The following KIF4B variants were observed in gnomAD, a reference collection of about 807,000 sequenced individuals.
KIF4B encodes kinesin family member 4B, also known as chromosome-associated kinesin KIF4B.
KIF4B carries 60 observed loss-of-function variants against 69.0 expected under a neutral mutation model. That is an observed-to-expected ratio of 0.87 (90% CI 0.71 to 1.08). The LOEUF is 1.08. Among genes scored for constraint, KIF4B ranks in the 50% least tolerant of loss-of-function variants. The probability of loss-of-function intolerance (pLI) is 0.00; values close to 1 mark genes in which losing one functional copy is unlikely to be tolerated. For synonymous variants in KIF4B, 489 were observed against 533.0 expected (o/e 0.92, Z 1.14); for missense variants, 1,357 against 1,451.9 (o/e 0.93, Z 1.06).
In KIF4B at chr5:155,016,382, G is replaced by A; in HGVS notation, c.2523G>A (p.Leu841=). The A allele has an allele frequency of 6.2e-7, 1 of 1,614,230 alleles. No individual in the cohort carries two copies. Among genetic ancestry groups the A allele is most frequent in the Non-Finnish European group, 8.5e-7 (1 of 1,180,050 alleles). The part of the protein sequence containing the change: ...SAQIADLQQK[L]LDAESEDRPK... ...AGATTGCTGACCTACAGCAGAAGCT[G>A]CTGGATGCAGAAAGTGAAGATAGGC... Residue 841 remains leucine (L), a synonymous_variant, in exon 1 of 1, where the codon CTG becomes CTA. Transcript: ENST00000435029.
chr5:155,017,754 C>T lies in KIF4B; in HGVS notation c.*190C>T. ...CTCAGTCTCCATCCCCAGACTACTG[C>T]TCTCTGCTCTCTAGAAGGCTGCTAA... On this transcript the variant is annotated 3_prime_UTR_variant, in exon 1 of 1. Transcript: ENST00000435029. The T allele has an allele frequency of 9.6e-7, 1 of 1,044,854 alleles. No individual in the cohort carries two copies. The allele number at this position is 1,044,854 out of a possible 1,614,324, so 64.7% of individuals were successfully genotyped here. A position where few individuals can be genotyped will look rare whatever the true frequency, so the allele number is the denominator to read the frequency against.
Position 155,016,314 on chromosome 5 carries a change from C to G in KIF4B, c.2455C>G (p.Gln819Glu). ...GGAGTCAGAAGATTGTATTACAAAA[C>G]AGATTGAAAGCCTAGAGACTGAAAT... Reference protein sequence around the residue: ...VLESEDCITKQIESLETEMEL... With the variant: ...VLESEDCITKEIESLETEMEL... The change falls in exon 1 of 1, where the codon CAG becomes GAG. Residue 819 changes from glutamine to glutamate, a missense_variant. Gln to Glu is a conservative substitution (Grantham distance 29). Coordinates refer to ENST00000435029, the MANE Select transcript of KIF4B (RefSeq NM_001099293.3). 1 of 1,614,184 alleles carries G rather than the reference C, an allele frequency of 6.2e-7. No homozygotes were observed. Among genetic ancestry groups the G allele is most frequent in the Non-Finnish European group, 8.5e-7 (1 of 1,180,030 alleles).
Position 155,014,486 on chromosome 5 carries a change from G to A in KIF4B, c.627G>A (p.Ser209=), listed in dbSNP as rs751691699. 24 of 1,614,062 alleles carry A rather than the reference G, an allele frequency of 1.5e-5. No individual in the cohort carries two copies. The highest frequency in any genetic ancestry group is 2.0e-5 in the Non-Finnish European group (24 of 1,179,974). Residue 209 remains serine (S), a synonymous_variant, in exon 1 of 1, where the codon TCG becomes TCA. Coordinates refer to ENST00000435029, the MANE Select transcript of KIF4B (RefSeq NM_001099293.3). ...CCTCCACAGCTATGAACTCCCAGTC[G>A]TCCCGATCTCATGCCATCTTTACAA... ...TVASTAMNSQ[S]SRSHAIFTIS...
Position 155,015,189 on chromosome 5 carries a change from A to C in KIF4B, c.1330A>C (p.Lys444Gln), listed in dbSNP as rs748441071. ...LEELRQHVAC[K>Q]LDLQKLVETL... ...AGAGCTCAGGCAGCATGTGGCCTGC[A>C]AGCTGGATCTTCAAAAGCTAGTGGA... is the stretch of plus-strand genomic sequence containing the variant. Residue 444 changes from lysine (K) to glutamine (Q), a missense_variant, in exon 1 of 1, where the codon AAG becomes CAG. Coordinates refer to ENST00000435029, the MANE Select transcript of KIF4B (RefSeq NM_001099293.3). The C allele has an allele frequency of 1.2e-6, 2 of 1,614,098 alleles. No homozygotes were observed. The highest frequency in any genetic ancestry group is 2.7e-5 in the African/African-American group (2 of 74,938).
rs1324255563 is a variant in KIF4B, at chr5:155,015,620, G to T, written c.1761G>T (p.Lys587Asn). 1 of 1,614,202 alleles carries T rather than the reference G, an allele frequency of 6.2e-7. No homozygotes were observed. Among genetic ancestry groups the T allele is most frequent in the Admixed American group, 1.7e-5 (1 of 60,020 alleles). Residue 587 changes from lysine (K) to asparagine (N), a missense_variant, in exon 1 of 1, where the codon AAG (lysine) becomes AAT (asparagine). Transcript: ENST00000435029. ...TTCGTGAACTTCAGACAGCAAAGAAGAATGTCAACCAAGCCAAGCTGAGTG... is the reference window on the plus strand; with the variant it reads ...TTCGTGAACTTCAGACAGCAAAGAATAATGTCAACCAAGCCAAGCTGAGTG... ...ELVRELQTAKKNVNQAKLSEH... is the reference protein window; with the variant it reads ...ELVRELQTAKNNVNQAKLSEH...
Position 155,017,102 on chromosome 5 carries a change from CA to C in KIF4B, c.3244del (p.Arg1082GlyfsTer69). 6.2e-7 allele frequency: 1 copy of C among 1,613,988 alleles called. No individual in the cohort carries two copies. Among genetic ancestry groups the C allele is most frequent in the Non-Finnish European group, 8.5e-7 (1 of 1,179,972 alleles). ...WKPTKLVKVS[R>X]KNIQGCSCKG... ...AGCCAACAAAATTAGTCAAGGTGTC[CA>C]GGAAGAACATCCAAGGGTGTTCCTG... On this transcript the variant is annotated frameshift_variant, in exon 1 of 1. Transcript: ENST00000435029. LOFTEE classifies it low-confidence loss of function (END_TRUNC).
rs1466971011 is a variant in KIF4B at position 155,015,922 on chromosome 5, A to G, written c.2063A>G (p.Lys688Arg). ...CGTAAGAGGCAATATGAGCTGCTCA[A>G]ACTTGAAAGAAACTTCCAGAAACAA... ...RDRKRQYELL[K>R]LERNFQKQSS... Residue 688 changes from lysine to arginine, a missense_variant, in exon 1 of 1, where the codon AAA (lysine) becomes AGA (arginine). By Grantham distance (26) the Lys-to-Arg change is conservative. Coordinates refer to ENST00000435029, the MANE Select transcript of KIF4B (RefSeq NM_001099293.3). The G allele has an allele frequency of 1.2e-6, 2 of 1,614,120 alleles. No homozygotes were observed. Among genetic ancestry groups the G allele is most frequent in the Admixed American group, 3.3e-5 (2 of 60,008 alleles).
At position 155,016,333 on chromosome 5, in the gene KIF4B, C is replaced by T. The variant is rs367879026; in HGVS notation, c.2474C>T (p.Thr825Ile). 3.1e-6 allele frequency: 5 copies of T among 1,614,168 alleles called. No homozygotes were observed. The highest frequency in any genetic ancestry group is 4.2e-6 in the Non-Finnish European group (5 of 1,180,030). ...CITKQIESLE[T>I]EMELRSAQIA... ...ACAAAACAGATTGAAAGCCTAGAGA[C>T]TGAAATGGAACTCAGGAGTGCTCAG... Residue 825 changes from threonine to isoleucine, a missense_variant, in exon 1 of 1, where the codon ACT becomes ATT. Coordinates refer to ENST00000435029, the MANE Select transcript of KIF4B (RefSeq NM_001099293.3).
At position 155,015,051 on chromosome 5, in the gene KIF4B, G is replaced by A. The variant is rs367767235; in HGVS notation, c.1192G>A (p.Glu398Lys). ...LMEKNQSLVE[E>K]NEKLSRCLSK... is the part of the protein sequence containing the mutation. ...GGAGAAGAATCAGTCCCTGGTAGAGGAGAATGAAAAATTAAGTCGTTGTCT... is the reference window on the plus strand; with the variant it reads ...GGAGAAGAATCAGTCCCTGGTAGAGAAGAATGAAAAATTAAGTCGTTGTCT... The change falls in exon 1 of 1, where the codon GAG becomes AAG. Residue 398 changes from glutamate (E) to lysine (K), a missense_variant. Glu to Lys is a moderately conservative substitution (Grantham distance 56). Transcript: ENST00000435029. The A allele has an allele frequency of 2.5e-5, 40 of 1,614,128 alleles. No homozygotes were observed. The African/African-American group carries it at 5.1e-4, about 20-fold the overall frequency.
rs752085184 is a variant in KIF4B at position 155,016,454 on chromosome 5, T to C, written c.2595T>C (p.Cys865=). 5.6e-6 allele frequency: 9 copies of C among 1,614,214 alleles called. No homozygotes were observed. Among genetic ancestry groups the C allele is most frequent in the South Asian group, 1.1e-5 (1 of 91,086 alleles). Residue 865 remains cysteine, a synonymous_variant, in exon 1 of 1, where the codon TGT becomes TGC. Transcript: ENST00000435029. ...ENIATILEAK[C]ALKYLIGELV... is the part of the protein sequence containing the mutation. ...TTGCCACCATTCTGGAAGCCAAGTG[T>C]GCCCTGAAATATTTGATTGGAGAGC... is the stretch of plus-strand genomic sequence containing the variant.
Position 155,016,392 on chromosome 5 carries a change from G to A in KIF4B, c.2533G>A (p.Glu845Lys). The change falls in exon 1 of 1, where the codon GAA (glutamate) becomes AAA (lysine). Residue 845 changes from glutamate to lysine, a missense_variant. Transcript: ENST00000435029. The part of the protein sequence containing the change: ...ADLQQKLLDA[E>K]SEDRPKQCWE... ...CCTACAGCAGAAGCTGCTGGATGCAGAAAGTGAAGATAGGCCAAAACAATG... is the reference window on the plus strand; with the variant it reads ...CCTACAGCAGAAGCTGCTGGATGCAAAAAGTGAAGATAGGCCAAAACAATG... 1 of 1,614,216 alleles carries A rather than the reference G, an allele frequency of 6.2e-7. No homozygotes were observed. Among genetic ancestry groups the A allele is most frequent in the South Asian group, 1.1e-5 (1 of 91,086 alleles).
Position 155,015,358 on chromosome 5 carries a change from C to G in KIF4B, c.1499C>G (p.Thr500Ser), listed in dbSNP as rs754446019. Residue 500 changes from threonine to serine, a missense_variant, in exon 1 of 1, where the codon ACC becomes AGC. By Grantham distance (58) the Thr-to-Ser change is moderately conservative (BLOSUM62 1). Coordinates refer to ENST00000435029, the MANE Select transcript of KIF4B (RefSeq NM_001099293.3). ...GTAGAAGAAGAAGCTCAAGTGGAAA[C>G]CAGTCCAGAGACAAGCAGGTCTTCT... ...TAVEEEAQVE[T>S]SPETSRSSDA... is the part of the protein sequence containing the mutation. 6.2e-7 allele frequency: 1 copy of G among 1,614,186 alleles called. No individual in the cohort carries two copies. Among genetic ancestry groups the G allele is most frequent in the South Asian group, 1.1e-5 (1 of 91,084 alleles).
chr5:155,015,524 T>C lies in KIF4B; in HGVS notation c.1665T>C (p.Phe555=). 2 of 1,614,192 alleles carry C rather than the reference T, an allele frequency of 1.2e-6. No individual in the cohort carries two copies. The change falls in exon 1 of 1, where the codon TTT becomes TTC. Residue 555 remains phenylalanine, a synonymous_variant. Coordinates refer to ENST00000435029, the MANE Select transcript of KIF4B (RefSeq NM_001099293.3). ...ACAACCAACTACAGCCCATTCAGTT[T>C]CAATACCAGGATAACATAAAAAATC... ...QNDNQLQPIQ[F]QYQDNIKNLE...
At position 155,015,829 on chromosome 5, in the gene KIF4B, A is replaced by G. The variant is rs752831419; in HGVS notation, c.1970A>G (p.Asp657Gly). 1.9e-6 allele frequency: 3 copies of G among 1,614,136 alleles called. No individual in the cohort carries two copies. The African/African-American group carries it at 4.0e-5, about 22-fold the overall frequency. ...RVQLMRQMKE[D>G]AEKFRQWKQK... ...CAGTTAATGCGTCAAATGAAAGAGG[A>G]TGCTGAGAAGTTTAGACAATGGAAG... Residue 657 changes from aspartate to glycine, a missense_variant, in exon 1 of 1, where the codon GAT becomes GGT. Coordinates refer to ENST00000435029, the MANE Select transcript of KIF4B (RefSeq NM_001099293.3).
Position 155,013,902 on chromosome 5 carries a change from C to A in KIF4B, c.43C>A (p.Arg15Ser). 1.2e-6 allele frequency: 2 copies of A among 1,614,118 alleles called. No homozygotes were observed. Among genetic ancestry groups the A allele is most frequent in the Non-Finnish European group, 1.7e-6 (2 of 1,180,042 alleles). ...VKGIPVRVAL[R>S]CRPLVPKEIS... ...GGGAATTCCTGTAAGAGTGGCACTGCGTTGTCGCCCTCTGGTCCCCAAAGA... is the reference window on the plus strand; with the variant it reads ...GGGAATTCCTGTAAGAGTGGCACTGAGTTGTCGCCCTCTGGTCCCCAAAGA... The change falls in exon 1 of 1, where the codon CGT (arginine) becomes AGT (serine). Residue 15 changes from arginine to serine, a missense_variant. Physicochemically the swap from Arg to Ser is moderately radical, Grantham distance 110. Transcript: ENST00000435029.
Position 155,014,024 on chromosome 5 carries a change from T to C in KIF4B, c.165T>C (p.Phe55=), listed in dbSNP as rs1368394686. The C allele has an allele frequency of 6.2e-7, 1 of 1,614,236 alleles. No individual in the cohort carries two copies. The highest frequency in any genetic ancestry group is 8.5e-7 in the Non-Finnish European group (1 of 1,180,046). Residue 55 remains phenylalanine, a synonymous_variant, in exon 1 of 1, where the codon TTT becomes TTC. Coordinates refer to ENST00000435029, the MANE Select transcript of KIF4B (RefSeq NM_001099293.3). The part of the protein sequence containing the change: ...TDKSFTYDFV[F]DPCTEQEEVF... Reference sequence around the variant, plus strand: ...AATCCTTCACCTACGATTTTGTGTTTGACCCCTGTACTGAGCAGGAAGAAG... The same window carrying C: ...AATCCTTCACCTACGATTTTGTGTTCGACCCCTGTACTGAGCAGGAAGAAG...
At position 155,014,693 on chromosome 5, in the gene KIF4B, A is replaced by T. The variant is rs182176814; in HGVS notation, c.834A>T (p.Gly278=). ...LCLGNVISAL[G]DDKKGSFVPY... ...TGGGAAATGTAATCAGTGCTCTTGG[A>T]GATGACAAAAAGGGTAGCTTTGTGC... Residue 278 remains glycine, a synonymous_variant, in exon 1 of 1, where the codon GGA becomes GGT. Coordinates refer to ENST00000435029, the MANE Select transcript of KIF4B (RefSeq NM_001099293.3). 16 of 1,614,136 alleles carry T rather than the reference A, an allele frequency of 9.9e-6. No homozygotes were observed. In the East Asian group the frequency reaches 3.6e-4, roughly 36 times the overall value.
rs186458116 is a variant in KIF4B, at chr5:155,017,887, T to A, written c.*323T>A. ...TTTGTGAGCAGTTCAGGCTATCTCCTGATGGGGATGAGGCCAAGGCTTTCT... is the reference window on the plus strand; with the variant it reads ...TTTGTGAGCAGTTCAGGCTATCTCCAGATGGGGATGAGGCCAAGGCTTTCT... On this transcript the variant is annotated 3_prime_UTR_variant, in exon 1 of 1. Transcript: ENST00000435029. 1 of 299,740 alleles carries A rather than the reference T, an allele frequency of 3.3e-6. No individual in the cohort carries two copies. Among genetic ancestry groups the A allele is most frequent in the Non-Finnish European group, 6.5e-6 (1 of 153,358 alleles). 18.6% of individuals were successfully genotyped at this position (299,740 alleles called of 1,614,324 possible).
Position 155,017,322 on chromosome 5 carries a change from A to C in KIF4B, c.3463A>C (p.Ser1155Arg). The change falls in exon 1 of 1, where the codon AGC (serine) becomes CGC (arginine). Residue 1155 changes from serine to arginine, a missense_variant. Coordinates refer to ENST00000435029, the MANE Select transcript of KIF4B (RefSeq NM_001099293.3). ...EDPTEVTPGL[S>R]FFNPVCATPN... ...TCCTACCGAGGTGACCCCAGGATTG[A>C]GCTTCTTTAACCCTGTCTGTGCCAC... is the stretch of plus-strand genomic sequence containing the variant. 1 of 1,614,186 alleles carries C rather than the reference A, an allele frequency of 6.2e-7. No homozygotes were observed. Among genetic ancestry groups the C allele is most frequent in the Non-Finnish European group, 8.5e-7 (1 of 1,180,034 alleles).
Sources: allele counts gnomAD v4.1 joint callset, GRCh38; gene constraint gnomAD v4.1.1; transcripts MANE v1.5; gene names NCBI Gene and HGNC (gene_info 2026-07-23, HGNC 2026-07-21).